Variants in CEP19 observed in about 807,000 individuals in gnomAD.
CEP19 encodes the protein centrosomal protein 19.
A neutral mutation model predicts 17.5 loss-of-function variants in CEP19; 14 were observed. That is an observed-to-expected ratio of 0.80 (90% confidence interval 0.53 to 1.25). The LOEUF (loss-of-function observed/expected upper bound fraction) is 1.25, where lower values mean the gene tolerates loss of function less well. Ranked by LOEUF, CEP19 falls within the 50% of genes most tolerant of loss-of-function variation. The pLI is 0.00. For synonymous variants in CEP19, 59 were observed against 65.5 expected (o/e 0.90, Z 0.48); for missense variants, 193 against 192.0 (o/e 1.01, Z -0.03).
rs769791036 is a variant in CEP19, at chr3:196,707,649, C to A, written c.394G>T (p.Asp132Tyr). The change falls in exon 3 of 3, where the codon GAT becomes TAT. Residue 132 changes from aspartate to tyrosine, a missense_variant. Physicochemically the swap from Asp to Tyr is radical, Grantham distance 160 (BLOSUM62 -3). Transcript: ENST00000409690. ...ELFEKNQKKKDDPNFVYDIEV... is the reference protein window; with the variant it reads ...ELFEKNQKKKYDPNFVYDIEV... ...ATGTCATAAACAAAATTTGGATCAT[C>A]CTTCTTCTTCTGATTTTTCTCAAAA... 1 of 1,614,008 alleles carries A rather than the reference C, an allele frequency of 6.2e-7. No individual in the cohort carries two copies. The highest frequency in any genetic ancestry group is 8.5e-7 in the Non-Finnish European group (1 of 1,179,998).
chr3:196,708,543 A>G lies in CEP19; in HGVS notation c.115T>C (p.Phe39Leu), dbSNP rs1257997638. The G allele has an allele frequency of 1.2e-6, 2 of 1,614,048 alleles. No individual in the cohort carries two copies. The highest frequency in any genetic ancestry group is 1.3e-5 in the African/African-American group (1 of 74,926). The change falls in exon 2 of 3, where the codon TTT (phenylalanine) becomes CTT (leucine). Residue 39 changes from phenylalanine (F) to leucine (L), a missense_variant. By Grantham distance (22) the Phe-to-Leu change is conservative. Coordinates refer to ENST00000409690, the MANE Select transcript of CEP19 (RefSeq NM_032898.5). ...CATGAGGTACCTGAAAACTTTGAAA[A>G]GTTTCGAACTGGCATAATGCGCTGG... is the stretch of plus-strand genomic sequence containing the variant. ...IRQRIMPVRN[F>L]SKFSDCTRAA...
At chr3:196,708,807 G>C in intron 1 of CEP19, 80 bp from the exon 2 acceptor site, 1 of 748,960 alleles carries the variant, frequency 1.3e-6, no homozygotes. Flanking sequence ...TCTGGTTCTA[G>C]TCCGGCTCTG....
rs182905730 is a variant in CEP19, at chr3:196,708,684, G to C, written c.-27C>G. On this transcript the variant is annotated 5_prime_UTR_variant, in exon 2 of 3. Coordinates refer to ENST00000409690, the MANE Select transcript of CEP19 (RefSeq NM_032898.5). ...CCCATGTACATGTCCGGGTAAGTCA[G>C]AGGAAATCTGATGAATATGTGTAAG... is the stretch of plus-strand genomic sequence containing the variant. 13 of 1,610,938 alleles carry C rather than the reference G, an allele frequency of 8.1e-6. No homozygotes were observed. The East Asian group carries it at 2.5e-4, about 30-fold the overall frequency.
In CEP19 at chr3:196,710,842, T is replaced by TA. The variant is rs71161953; in HGVS notation, c.-71+1086dup. On this transcript the variant is annotated intron_variant, in intron 1 of 2. Transcript: ENST00000409690. ...CTCCAAAGCATGATACGCCTATTCT[T>TA]AAAAAAAAAAAAAAAAAAAAAAAAA... is the stretch of plus-strand genomic sequence containing the variant. Among the ~76,000 whole-genome samples, 927 of 98,168 alleles carry TA rather than the reference T, an allele frequency of 9.4e-3. 26 individuals carry two copies. The highest frequency in any genetic ancestry group is 0.015 in the Admixed American group (111 of 7,478). 64.4% of individuals were successfully genotyped at this position (98,168 alleles called of 152,430 possible).
intron 1 of CEP19, among the ~76,000 whole-genome samples, chr3:196,710,341 C>T (rs550702252): frequency 1.3e-5 from 2 of 152,132 alleles, no homozygotes; most frequent in East Asian, 1.9e-4. Flanking sequence ...GTCAGGAGTT[C>T]GAGACCAGCC....
At chr3:196,711,108 GT>G (rs10669996) in intron 1 of CEP19, among the ~76,000 whole-genome samples, 21 of 148,288 alleles carry the variant, frequency 1.4e-4, no homozygotes, top group Non-Finnish European at 2.5e-4. Flanking sequence ...AAATAATGTA[GT>G]TTTTTTTTTA....
intron 1 of CEP19, chr3:196,708,948 T>C: frequency 3.3e-6 from 1 of 303,158 alleles, no homozygotes. Flanking sequence ...GTGGGGTATG[T>C]GCGCGGGAAC....
chr3:196,712,038 G>A lies in CEP19; in HGVS notation c.-180C>T, dbSNP rs1711822068. ...CGCAAAGCCCCTAAGCCGACTGTGA[G>A]ACCGGGCGGAGCCTGGCGCTGCAGG... On this transcript the variant is annotated 5_prime_UTR_variant, in exon 1 of 3. Transcript: ENST00000409690. The A allele has an allele frequency of 1.4e-6, 1 of 714,874 alleles. No homozygotes were observed. Among genetic ancestry groups the A allele is most frequent in the Non-Finnish European group, 2.6e-6 (1 of 383,836 alleles). 44.3% of individuals were successfully genotyped at this position (714,874 alleles called of 1,614,324 possible). A position where few individuals can be genotyped will look rare whatever the true frequency, so the allele number is the denominator to read the frequency against.
At position 196,706,658 on chromosome 3, in the gene CEP19, T is replaced by C. The variant is rs1247572150; in HGVS notation, c.*893A>G. On this transcript the variant is annotated 3_prime_UTR_variant, in exon 3 of 3. Coordinates refer to ENST00000409690, the MANE Select transcript of CEP19 (RefSeq NM_032898.5). ...TCCAGAGATAAATAATATAAAGATA[T>C]AACACATAAGAGGTAATTCCCTGGT... The C allele has an allele frequency of 6.6e-6, 1 of 152,184 alleles. No homozygotes were observed. Among genetic ancestry groups the C allele is most frequent in the Non-Finnish European group, 1.5e-5 (1 of 68,026 alleles). The allele number at this position is 152,184 out of a possible 1,614,324, so 9.4% of individuals were successfully genotyped here.
Position 196,707,819 on chromosome 3 carries a change from C to G in CEP19, c.224G>C (p.Ser75Thr), listed in dbSNP as rs200134493. The G allele has an allele frequency of 2.0e-5, 32 of 1,614,088 alleles. No individual in the cohort carries two copies. The highest frequency in any genetic ancestry group is 2.6e-5 in the Non-Finnish European group (31 of 1,180,042). ...VSLRQLEKLFSFLRGYLSGQS... is the reference protein window; with the variant it reads ...VSLRQLEKLFTFLRGYLSGQS... ...CCCCGACAAGTAACCTCGTAAAAAA[C>G]TGAATAGCTTCTCTAGCTGCCTCAG... Residue 75 changes from serine to threonine, a missense_variant, in exon 3 of 3, where the codon AGT (serine) becomes ACT (threonine). Transcript: ENST00000409690.
chr3:196,711,734 ACT>A (rs1189770606), intron 1 of CEP19, among the ~76,000 whole-genome samples, 193 bp downstream of exon 1: 1 of 151,258 alleles, frequency 6.6e-6, no homozygotes, highest in Non-Finnish European at 1.5e-5. Context: ...TACAGATTCC[ACT>A]CTGTTTAGGA....
rs979773172 is a variant in CEP19 at position 196,711,782 on chromosome 3, G to T, written c.-71+147C>A. 3 of 643,914 alleles carry T rather than the reference G, an allele frequency of 4.7e-6. No individual in the cohort carries two copies. The African/African-American group carries it at 5.5e-5, about 12-fold the overall frequency. The allele number at this position is 643,914 out of a possible 1,614,324, so 39.9% of individuals were successfully genotyped here. A position where few individuals can be genotyped will look rare whatever the true frequency, so the allele number is the denominator to read the frequency against. Reference sequence around the variant, plus strand: ...CACGTTTATCCAATTATTCTTCCTGGACACGAATACTCCTCTCCCCAGAGA... The same window carrying T: ...CACGTTTATCCAATTATTCTTCCTGTACACGAATACTCCTCTCCCCAGAGA... On this transcript the variant is annotated intron_variant, in intron 1 of 2. Coordinates refer to ENST00000409690, the MANE Select transcript of CEP19 (RefSeq NM_032898.5).
chr3:196,708,289 A>G (rs1711599782), intron 2 of CEP19, among the ~76,000 whole-genome samples: 1 of 152,230 alleles, frequency 6.6e-6, no homozygotes, highest in African/African-American at 2.4e-5. Flanking sequence ...GAATGAGAGA[A>G]GGGAATTAAT....
Position 196,707,250 on chromosome 3 carries a change from C to G in CEP19, c.*301G>C, listed in dbSNP as rs2686597. The stretch of plus-strand genomic sequence containing the variant: ...TTCACCATGTTGGCTAGGCTGGTCT[C>G]GAACTCCTGACCTTAGGTGATCCAC... On this transcript the variant is annotated 3_prime_UTR_variant, in exon 3 of 3. Coordinates refer to ENST00000409690, the MANE Select transcript of CEP19 (RefSeq NM_032898.5). 3.8e-6 allele frequency: 1 copy of G among 260,620 alleles called. No individual in the cohort carries two copies. 16.1% of individuals were successfully genotyped at this position (260,620 alleles called of 1,614,324 possible). A position where few individuals can be genotyped will look rare whatever the true frequency, so the allele number is the denominator to read the frequency against.
chr3:196,706,910 A>G lies in CEP19; in HGVS notation c.*641T>C, dbSNP rs1711536073. 1 of 152,108 alleles carries G rather than the reference A, an allele frequency of 6.6e-6. No individual in the cohort carries two copies. Among genetic ancestry groups the G allele is most frequent in the South Asian group, 2.1e-4 (1 of 4,830 alleles). 9.4% of individuals were successfully genotyped at this position (152,108 alleles called of 1,614,324 possible). On this transcript the variant is annotated 3_prime_UTR_variant, in exon 3 of 3. Coordinates refer to ENST00000409690, the MANE Select transcript of CEP19 (RefSeq NM_032898.5). ...GTCTTCCCTTACTATTCTACTCTAC[A>G]GTAATATATGCTCTGGCCTTCTTTA...
intron 1 of CEP19, among the ~76,000 whole-genome samples, chr3:196,710,014 C>T (rs1053069487): frequency 3.3e-5 from 5 of 152,120 alleles, no homozygotes; most frequent in African/African-American, 1.2e-4. Context: ...AATAATCACC[C>T]TTGATTGTGT....
At position 196,708,579 on chromosome 3, in the gene CEP19, C is replaced by T. The variant is rs773774549; in HGVS notation, c.79G>A (p.Gly27Arg). 6.2e-7 allele frequency: 1 copy of T among 1,614,114 alleles called. No homozygotes were observed. Among genetic ancestry groups the T allele is most frequent in the Admixed American group, 1.7e-5 (1 of 60,010 alleles). Residue 27 changes from glycine (G) to arginine (R), a missense_variant, in exon 2 of 3, where the codon GGG (glycine) becomes AGG (arginine). By Grantham distance (125) the Gly-to-Arg change is moderately radical. Coordinates refer to ENST00000409690, the MANE Select transcript of CEP19 (RefSeq NM_032898.5). ...GGCATAATGCGCTGGCGAATTTTCCCCTTGATTTCACTCTCATAGATTAAG... is the reference window on the plus strand; with the variant it reads ...GGCATAATGCGCTGGCGAATTTTCCTCTTGATTTCACTCTCATAGATTAAG... ...IILIYESEIKGKIRQRIMPVR... is the reference protein window; with the variant it reads ...IILIYESEIKRKIRQRIMPVR...
Position 196,707,676 on chromosome 3 carries a change from G to T in CEP19, c.367C>A (p.Leu123Ile). ...LAKRKSIMDE[L>I]FEKNQKKKDD... ...TTCTTCTTCTGATTTTTCTCAAAAA[G>T]TTCATCCATGATGCTCTTTCTTTTG... The change falls in exon 3 of 3, where the codon CTT becomes ATT. Residue 123 changes from leucine to isoleucine, a missense_variant. Coordinates refer to ENST00000409690, the MANE Select transcript of CEP19 (RefSeq NM_032898.5). 1 of 1,614,104 alleles carries T rather than the reference G, an allele frequency of 6.2e-7. No individual in the cohort carries two copies. Among genetic ancestry groups the T allele is most frequent in the Non-Finnish European group, 8.5e-7 (1 of 1,180,018 alleles).
rs1282744712 is a variant in CEP19, at chr3:196,707,646, C to T, written c.397G>A (p.Asp133Asn). 6.2e-7 allele frequency: 1 copy of T among 1,614,066 alleles called. No homozygotes were observed. Among genetic ancestry groups the T allele is most frequent in the African/African-American group, 1.3e-5 (1 of 75,036 alleles). ...LFEKNQKKKD[D>N]PNFVYDIEVE... ...TCAATGTCATAAACAAAATTTGGAT[C>T]ATCCTTCTTCTTCTGATTTTTCTCA... is the stretch of plus-strand genomic sequence containing the variant. The change falls in exon 3 of 3, where the codon GAT becomes AAT. Residue 133 changes from aspartate to asparagine, a missense_variant. Physicochemically the swap from Asp to Asn is conservative, Grantham distance 23 (BLOSUM62 1). Coordinates refer to ENST00000409690, the MANE Select transcript of CEP19 (RefSeq NM_032898.5).
Sources: allele counts gnomAD v4.1 joint callset (sites outside exome capture counted in the v4.1 genomes callset), GRCh38; gene constraint gnomAD v4.1.1; transcripts MANE v1.5; gene names NCBI Gene and HGNC (gene_info 2026-07-23, HGNC 2026-07-21).